Variants in MRPS28 observed in about 807,000 individuals in gnomAD.
MRPS28 encodes the protein mitochondrial ribosomal protein S28.
MRPS28 carries 7 observed loss-of-function variants against 10.8 expected under a neutral mutation model. That is an observed-to-expected ratio of 0.65 (90% CI 0.37 to 1.22). MRPS28 has a LOEUF of 1.22. Ranked by LOEUF, MRPS28 falls within the 50% of genes most tolerant of loss-of-function variation. The probability of loss-of-function intolerance (pLI) is 0.02; values close to 1 mark genes in which losing one functional copy is unlikely to be tolerated. For missense variants in MRPS28, 265 were observed against 232.9 expected (o/e 1.14, Z -0.90); for synonymous variants, 121 against 93.3 (o/e 1.30, Z -1.71).
At chr8:79,994,899 T>C (rs1032182775) in intron 2 of MRPS28, among the ~76,000 whole-genome samples, 4 of 152,132 alleles carry the variant, frequency 2.6e-5, no homozygotes, top group Non-Finnish European at 4.4e-5. Context: ...AGCCTCTCTC[T>C]CATTTAAAAC....
chr8:79,981,910 AT>A (rs1056893292), intron 2 of MRPS28, among the ~76,000 whole-genome samples: 2 of 152,186 alleles, frequency 1.3e-5, no homozygotes, highest in African/African-American at 4.8e-5. Context: ...TCTAATTTGC[AT>A]TTTTCTAAAG....
intron 1 of MRPS28, among the ~76,000 whole-genome samples, chr8:80,012,140 T>C (rs1231893747): frequency 6.6e-5 from 10 of 152,100 alleles, no homozygotes; most frequent in Admixed American, 6.5e-4. Flanking sequence ...TTTTTGCCTC[T>C]ATTATATTTT....
At chr8:79,948,396 T>C (rs947197437) in intron 2 of MRPS28, among the ~76,000 whole-genome samples, 3 of 152,256 alleles carry the variant, frequency 2.0e-5, no homozygotes, top group South Asian at 4.1e-4. Flanking sequence ...TTCTAATAAG[T>C]TTTTGCAGCC....
chr8:79,962,522 A>G (rs1402572308), intron 2 of MRPS28, among the ~76,000 whole-genome samples: 2 of 152,172 alleles, frequency 1.3e-5, no homozygotes, highest in Admixed American at 6.5e-5. Context: ...TTTAGGTTAC[A>G]AGGTCTTAAA....
intron 2 of MRPS28, chr8:79,956,805 G>C (rs1223649835): frequency 1.3e-5 from 2 of 152,148 alleles, no homozygotes; most frequent in East Asian, 3.9e-4. Flanking sequence ...TACCACAAAA[G>C]ACAATCTCAT....
At chr8:79,975,760 G>A (rs1686536649) in intron 2 of MRPS28, among the ~76,000 whole-genome samples, 2 of 152,052 alleles carry the variant, frequency 1.3e-5, no homozygotes, top group African/African-American at 4.8e-5. Flanking sequence ...TTGGAAATTT[G>A]AGAATGTGTA....
chr8:79,946,262 C>A (rs976746386), intron 2 of MRPS28, among the ~76,000 whole-genome samples: 1 of 152,068 alleles, frequency 6.6e-6, no homozygotes, highest in Non-Finnish European at 1.5e-5. Context: ...CTCTTCTGGG[C>A]TCATCTCATC....
chr8:79,958,561 C>A (rs563184721), intron 2 of MRPS28: 2 of 565,956 alleles, frequency 3.5e-6, no homozygotes, highest in Non-Finnish European at 3.1e-6. Context: ...AAGAGAGTCA[C>A]TAATTGATTT....
intron 2 of MRPS28, among the ~76,000 whole-genome samples, chr8:79,971,359 T>C (rs573109400): frequency 2.0e-5 from 3 of 152,196 alleles, no homozygotes; most frequent in East Asian, 1.9e-4. Flanking sequence ...ATAATTCATG[T>C]GCTACAATTC....
intron 2 of MRPS28, among the ~76,000 whole-genome samples, chr8:79,947,080 T>TAGTA (rs1315989482): frequency 3.9e-5 from 6 of 152,174 alleles, no homozygotes; most frequent in Admixed American, 1.3e-4. Context: ...ACCATAAATG[T>TAGTA]AGTAAGGTGA....
chr8:79,976,632 G>C (rs564921153), intron 2 of MRPS28, among the ~76,000 whole-genome samples: 1 of 152,098 alleles, frequency 6.6e-6, no homozygotes, highest in Admixed American at 6.5e-5. Flanking sequence ...CTTCAACCAG[G>C]GAGGTGATGG....
chr8:79,943,382 T>C (rs1461814800), intron 2 of MRPS28, among the ~76,000 whole-genome samples: 4 of 152,332 alleles, frequency 2.6e-5, no homozygotes, highest in Non-Finnish European at 2.9e-5. Flanking sequence ...AAATATTGCA[T>C]TGTTTTTGAT....
chr8:79,977,433 A>T (rs973667688), intron 2 of MRPS28, among the ~76,000 whole-genome samples: 1 of 152,232 alleles, frequency 6.6e-6, no homozygotes. Flanking sequence ...TACATAGAAT[A>T]AACAAATGAT....
At chr8:79,999,061 C>CA (rs752404444) in intron 2 of MRPS28, among the ~76,000 whole-genome samples, 17 of 151,160 alleles carry the variant, frequency 1.1e-4, no homozygotes, top group Non-Finnish European at 2.1e-4. Flanking sequence ...CTAAAAGGAT[C>CA]AAAAAAAAGG....
chr8:80,003,270 T>A, intron 1 of MRPS28, 90 bp from the exon 2 acceptor site: 1 of 1,004,506 alleles, frequency 1.0e-6, no homozygotes, highest in Non-Finnish European at 1.4e-6. Flanking sequence ...TCAATTGTTG[T>A]AGCAATAATT....
At chr8:79,955,946 G>A (rs963486581) in intron 2 of MRPS28, among the ~76,000 whole-genome samples, 1 of 152,064 alleles carries the variant, frequency 6.6e-6, no homozygotes, top group Non-Finnish European at 1.5e-5. Flanking sequence ...TTTAGCTTCC[G>A]ATTTTCCAAA....
At chr8:79,954,234 A>G (rs1428373748) in intron 2 of MRPS28, among the ~76,000 whole-genome samples, 1 of 152,170 alleles carries the variant, frequency 6.6e-6, no homozygotes, top group Non-Finnish European at 1.5e-5. Context: ...AAATTAAAAC[A>G]TAAAAATTAA....
At chr8:79,964,266 T>C (rs1807448466) in intron 2 of MRPS28, among the ~76,000 whole-genome samples, 1 of 152,082 alleles carries the variant, frequency 6.6e-6, no homozygotes, top group South Asian at 2.1e-4. Context: ...TATCATATTG[T>C]CCCAAGCACA....
chr8:80,029,002 G>C (rs1809572689), intron 1 of MRPS28, among the ~76,000 whole-genome samples: 1 of 151,924 alleles, frequency 6.6e-6, no homozygotes. Flanking sequence ...CAAAAAAGTA[G>C]AAAACAGAGG....
Sources: allele counts gnomAD v4.1 joint callset (sites outside exome capture counted in the v4.1 genomes callset), GRCh38; gene constraint gnomAD v4.1.1; transcripts MANE v1.5; gene names NCBI Gene and HGNC (gene_info 2026-07-23, HGNC 2026-07-21).